Variants in ANO3 observed in about 807,000 individuals in gnomAD.
ANO3 encodes the protein anoctamin 3.
Under a neutral mutation model 144.8 loss-of-function variants are expected in ANO3, and 99 were observed. The ratio of observed to expected loss-of-function variants is 0.68; its 90% CI spans 0.58 to 0.81. The LOEUF (loss-of-function observed/expected upper bound fraction) is 0.81. ANO3 is among the 30% of genes least tolerant of loss of function. The pLI is 0.00. For missense variants in ANO3, 905 were observed against 1,202.2 expected (o/e 0.75, Z 3.66); for synonymous variants, 414 against 392.6 (o/e 1.05, Z -0.64).
At chr11:26,490,082 G>C (rs1014116587) in intron 4 of ANO3, among the ~76,000 whole-genome samples, 6 of 152,146 alleles carry the variant, frequency 3.9e-5, no homozygotes, top group African/African-American at 1.4e-4. Flanking sequence ...AACTTGAATT[G>C]TATCTCCCAG....
intron 1 of ANO3, among the ~76,000 whole-genome samples, chr11:26,257,167 C>A (rs1443849642): frequency 6.6e-6 from 1 of 151,848 alleles, no homozygotes; most frequent in Non-Finnish European, 1.5e-5. Context: ...TGTATGTATA[C>A]ATATATGTAC....
At chr11:26,534,870 G>T (rs563082725) in intron 9 of ANO3, among the ~76,000 whole-genome samples, 35 of 152,174 alleles carry the variant, frequency 2.3e-4, no homozygotes, top group African/African-American at 7.2e-4. Flanking sequence ...GCAGAAATTT[G>T]CTCATCATGG....
At chr11:26,654,928 C>T (rs1353209783) in intron 24 of ANO3, among the ~76,000 whole-genome samples, 2 of 152,004 alleles carry the variant, frequency 1.3e-5, no homozygotes, top group Non-Finnish European at 2.9e-5. Context: ...CCTTGTATTG[C>T]GAGAATTAGC....
At chr11:26,335,766 C>T (rs962220017) in intron 1 of ANO3, among the ~76,000 whole-genome samples, 10 of 152,098 alleles carry the variant, frequency 6.6e-5, no homozygotes, top group Non-Finnish European at 1.2e-4. Context: ...GGACTTGCTA[C>T]TATAGGAAGT....
chr11:26,233,462 G>A (rs11820372), intron 1 of ANO3, among the ~76,000 whole-genome samples: 3,029 of 152,232 alleles, frequency 0.02, 127 homozygotes, highest in African/African-American at 0.07. Context: ...GAAAGGATGT[G>A]GAGAAATAGA....
intron 1 of ANO3, among the ~76,000 whole-genome samples, chr11:26,236,654 T>C (rs1852531754): frequency 6.6e-6 from 1 of 151,716 alleles, no homozygotes. Context: ...CTGTCTCTAC[T>C]AAAAATACAA....
chr11:26,434,328 T>C (rs1280560779), intron 1 of ANO3, among the ~76,000 whole-genome samples: 1 of 152,174 alleles, frequency 6.6e-6, no homozygotes, highest in African/African-American at 2.4e-5. Context: ...TTTTCTTCTT[T>C]ATTAGTCTAG....
In ANO3 at chr11:26,477,132, G is replaced by A. The variant is rs10082597; in HGVS notation, c.432+13984G>A. 4.6e-3 allele frequency among the ~76,000 whole-genome samples: 700 copies of A among 152,114 alleles called. 3 individuals carry two copies. The highest frequency in any genetic ancestry group is 0.016 in the African/African-American group (661 of 41,506). On this transcript the variant is annotated intron_variant, in intron 4 of 26. Transcript: ENST00000256737. ...TGCACATTTGTGTGTGCACAGATGC[G>A]TGCATTCCAGGTACCATATGAGAAA... is the stretch of plus-strand genomic sequence containing the variant.
At chr11:26,523,999 A>G (rs2134164957) in intron 6 of ANO3, among the ~76,000 whole-genome samples, 1 of 152,110 alleles carries the variant, frequency 6.6e-6, no homozygotes, top group African/African-American at 2.4e-5. Flanking sequence ...AGCTTTTTTG[A>G]AAAAAATACT....
chr11:26,237,073 T>A (rs1852548383), intron 1 of ANO3, among the ~76,000 whole-genome samples: 1 of 152,108 alleles, frequency 6.6e-6, no homozygotes, highest in Admixed American at 6.6e-5. Flanking sequence ...ATATTAAGAT[T>A]GTGATTCCGG....
chr11:26,436,751 G>T (rs1858310024), intron 1 of ANO3, among the ~76,000 whole-genome samples: 1 of 152,150 alleles, frequency 6.6e-6, no homozygotes, highest in South Asian at 2.1e-4. Context: ...GGCAACAATA[G>T]CTAAGACTGT....
intron 1 of ANO3, among the ~76,000 whole-genome samples, chr11:26,375,851 G>A (rs112367414): frequency 3.3e-5 from 5 of 152,206 alleles, no homozygotes; most frequent in African/African-American, 1.2e-4. Context: ...ACAAGCAGCA[G>A]CAGCAGCAAC....
intron 14 of ANO3, among the ~76,000 whole-genome samples, chr11:26,587,683 G>A (rs1353994817): frequency 6.6e-6 from 1 of 152,136 alleles, no homozygotes; most frequent in Non-Finnish European, 1.5e-5. Flanking sequence ...GGGGCCAGGT[G>A]CGGTGGCTCA....
chr11:26,495,775 C>T (rs1360485983), intron 4 of ANO3, among the ~76,000 whole-genome samples: 1 of 152,120 alleles, frequency 6.6e-6, no homozygotes, highest in African/African-American at 2.4e-5. Context: ...TCTGTGGAAG[C>T]CAATACATTT....
chr11:26,343,665 A>T (rs1372146292), intron 1 of ANO3, among the ~76,000 whole-genome samples: 3 of 152,164 alleles, frequency 2.0e-5, no homozygotes, highest in African/African-American at 7.2e-5. Flanking sequence ...ATAATAGGAG[A>T]TAGATTGTAG....
At position 26,561,056 on chromosome 11, in the gene ANO3, C is replaced by G. The variant is rs754657648; in HGVS notation, c.1447+1277C>G. 18 of 1,599,444 alleles carry G rather than the reference C, an allele frequency of 1.1e-5. 1 individual carries two copies. In the South Asian group the frequency reaches 1.8e-4, roughly 16 times the overall value. On this transcript the variant is annotated intron_variant, in intron 14 of 26. Coordinates refer to ENST00000256737, the MANE Select transcript of ANO3 (RefSeq NM_031418.4). The stretch of plus-strand genomic sequence containing the variant: ...ACACTTGCTGTTTAACGCCTTTTTG[C>G]TGTTAGTTCTATACAGAAGTACGAA...
intron 1 of ANO3, among the ~76,000 whole-genome samples, chr11:26,338,793 C>T (rs375231869): frequency 3.9e-5 from 6 of 151,906 alleles, no homozygotes; most frequent in Non-Finnish European, 7.4e-5. Context: ...AGTGAGACCA[C>T]GAACCCACCG....
At chr11:26,478,482 C>A (rs1860071473) in intron 4 of ANO3, among the ~76,000 whole-genome samples, 1 of 152,040 alleles carries the variant, frequency 6.6e-6, no homozygotes, top group African/African-American at 2.4e-5. Flanking sequence ...TTGAAGCTAG[C>A]CAATAGAATT....
chr11:26,446,382 A>G (rs148563845), intron 3 of ANO3, among the ~76,000 whole-genome samples: 61 of 152,306 alleles, frequency 4.0e-4, no homozygotes, highest in African/African-American at 1.4e-3. Context: ...TGACTAATGC[A>G]TCTTATTAAT....
Sources: gnomAD v4.1 joint callset for allele counts (sites outside exome capture counted in the v4.1 genomes callset) on GRCh38, gnomAD v4.1.1 for gene constraint, MANE v1.5 for transcripts, NCBI Gene and HGNC (gene_info 2026-07-23, HGNC 2026-07-21) for gene names.